The following RMI1 variants were observed in gnomAD, a reference collection of about 807,000 sequenced individuals.
RMI1 encodes the protein RecQ mediated genome instability 1, also known as recQ-mediated genome instability protein 1.
In RMI1, 36 loss-of-function variants were observed where a neutral mutation model predicts 46.7. That is an observed-to-expected ratio of 0.77 (90% CI 0.59 to 1.02). The LOEUF is 1.02. Ranked by LOEUF, RMI1 falls within the 50% of genes least tolerant of loss-of-function variation. RMI1 has a pLI of 0.00. For missense variants in RMI1, 676 were observed against 713.7 expected (o/e 0.95, Z 0.60); for synonymous variants, 250 against 252.9 (o/e 0.99, Z 0.11).
chr9:84,001,738 T>C lies in RMI1; in HGVS notation c.752T>C (p.Leu251Pro). 6.2e-7 allele frequency: 1 copy of C among 1,614,016 alleles called. No homozygotes were observed. Among genetic ancestry groups the C allele is most frequent in the Non-Finnish European group, 8.5e-7 (1 of 1,179,976 alleles). The change falls in exon 3 of 3, where the codon CTT (leucine) becomes CCT (proline). Residue 251 changes from leucine (L) to proline (P), a missense_variant. Leu to Pro is a moderately conservative substitution (Grantham distance 98, BLOSUM62 -3). Coordinates refer to ENST00000445877, the MANE Select transcript of RMI1 (RefSeq NM_001358291.2). ...GPSDEELLAS[L>P]DENDELTANN... The stretch of plus-strand genomic sequence containing the variant: ...TCTGATGAAGAACTCTTGGCAAGTC[T>C]TGATGAAAATGATGAGCTTACAGCA...
intron 1 of RMI1, among the ~76,000 whole-genome samples, chr9:83,994,433 GCTA>G (rs1384947100): frequency 2.0e-5 from 3 of 152,172 alleles, no homozygotes; most frequent in African/African-American, 7.2e-5. Context: ...AGTTTCAGGT[GCTA>G]CCTTTAGACC....
intron 1 of RMI1, among the ~76,000 whole-genome samples, chr9:83,984,736 G>T (rs1212198852): frequency 6.6e-6 from 1 of 150,590 alleles, no homozygotes; most frequent in East Asian, 1.9e-4. Flanking sequence ...TAATTTTTTT[G>T]TATTTTTAGT....
At chr9:83,987,445 A>G (rs1957507785) in intron 1 of RMI1, among the ~76,000 whole-genome samples, 1 of 152,168 alleles carries the variant, frequency 6.6e-6, no homozygotes, top group Admixed American at 6.5e-5. Context: ...GCTAGTTTGA[A>G]AGTTAGTTGT....
chr9:84,002,114 A>G lies in RMI1; in HGVS notation c.1128A>G (p.Lys376=), dbSNP rs754696894. The change falls in exon 3 of 3, where the codon AAA becomes AAG. Residue 376 remains lysine, a synonymous_variant. Coordinates refer to ENST00000445877, the MANE Select transcript of RMI1 (RefSeq NM_001358291.2). The stretch of plus-strand genomic sequence containing the variant: ...ATGGAAACAATAATTGGAGTGAAAA[A>G]AATGTATCTGAACAAATGACTAATG... ...CKNGNNNWSE[K]NVSEQMTNED... The G allele has an allele frequency of 1.2e-5, 20 of 1,613,772 alleles. No homozygotes were observed. The highest frequency in any genetic ancestry group is 1.7e-5 in the Admixed American group (1 of 59,984).
intron 1 of RMI1, among the ~76,000 whole-genome samples, chr9:83,984,927 G>A (rs977357519): frequency 6.6e-6 from 1 of 152,196 alleles, no homozygotes; most frequent in African/African-American, 2.4e-5. Context: ...TTCTTGGACA[G>A]TGGAGTTCTT....
At chr9:83,984,478 G>C (rs1266596263) in intron 1 of RMI1, among the ~76,000 whole-genome samples, 2 of 151,668 alleles carry the variant, frequency 1.3e-5, no homozygotes, top group South Asian at 4.2e-4. Context: ...CTCCATGTTG[G>C]TCAGGCTGGT....
At chr9:83,989,309 C>G (rs1273667110) in intron 1 of RMI1, among the ~76,000 whole-genome samples, 1 of 152,082 alleles carries the variant, frequency 6.6e-6, no homozygotes, top group Non-Finnish European at 1.5e-5. Flanking sequence ...AACTTAAAAG[C>G]ACAGGCAATA....
chr9:84,002,042 T>C lies in RMI1; in HGVS notation c.1056T>C (p.Phe352=). The change falls in exon 3 of 3, where the codon TTT becomes TTC. Residue 352 remains phenylalanine (F), a synonymous_variant. Coordinates refer to ENST00000445877, the MANE Select transcript of RMI1 (RefSeq NM_001358291.2). ...NRNADRSIER[F]SHNPNTTNNF... ...ATGCCGATCGAAGTATAGAGAGATTTTCACATAATCCTAATACTACGAATA... is the reference window on the plus strand; with the variant it reads ...ATGCCGATCGAAGTATAGAGAGATTCTCACATAATCCTAATACTACGAATA... 6.2e-7 allele frequency: 1 copy of C among 1,613,940 alleles called. No homozygotes were observed. Among genetic ancestry groups the C allele is most frequent in the Admixed American group, 1.7e-5 (1 of 59,980 alleles).
At chr9:83,986,934 C>T (rs1366167728) in intron 1 of RMI1, among the ~76,000 whole-genome samples, 2 of 152,228 alleles carry the variant, frequency 1.3e-5, no homozygotes, top group African/African-American at 2.4e-5. Context: ...CACATTTTTA[C>T]AACACCTTTG....
rs370954668 is a variant in RMI1 at position 84,001,164 on chromosome 9, G to C, written c.178G>C (p.Asp60His). The C allele has an allele frequency of 1.3e-5, 21 of 1,614,110 alleles. No homozygotes were observed. Among genetic ancestry groups the C allele is most frequent in the Non-Finnish European group, 1.8e-5 (21 of 1,179,970 alleles). ...AGTGTTTGAGCAGTGGCTCCTTACT[G>C]ATCTGAGGGATTTGGAGCATCCTCT... ...KQVFEQWLLT[D>H]LRDLEHPLLP... is the part of the protein sequence containing the mutation. The change falls in exon 3 of 3, where the codon GAT becomes CAT. Residue 60 changes from aspartate (D) to histidine (H), a missense_variant. Asp to His is a moderately conservative substitution (Grantham distance 81). Coordinates refer to ENST00000445877, the MANE Select transcript of RMI1 (RefSeq NM_001358291.2).
rs767370149 is a variant in RMI1, at chr9:84,001,785, C to T, written c.799C>T (p.Arg267Ter). ...LTANNDTSSE[R>*]CFTTGSSSNT... ...AGCAAATAATGACACTTCCTCAGAA[C>T]GATGTTTCACCACAGGTAGTTCCTC... Residue 267 changes from arginine to a stop codon, truncating the protein, a stop_gained, in exon 3 of 3, where the codon CGA (arginine) becomes TGA (stop). Transcript: ENST00000445877. LOFTEE classifies it high-confidence loss of function. The T allele has an allele frequency of 2.1e-5, 34 of 1,613,862 alleles. No individual in the cohort carries two copies. The highest frequency in any genetic ancestry group is 2.6e-5 in the Non-Finnish European group (31 of 1,179,948).
intron 1 of RMI1, among the ~76,000 whole-genome samples, chr9:83,987,050 T>TCCCTC (rs1008273207): frequency 9.9e-5 from 15 of 152,086 alleles, no homozygotes; most frequent in South Asian, 2.1e-4. Context: ...CTGGGTTCCT[T>TCCCTC]CCCTCCCCTC....
At chr9:83,993,781 TTTA>T (rs953807547) in intron 1 of RMI1, among the ~76,000 whole-genome samples, 19 of 151,834 alleles carry the variant, frequency 1.3e-4, no homozygotes, top group South Asian at 8.3e-4. Context: ...TGTATATCTT[TTTA>T]TTATTATTAT....
intron 1 of RMI1, among the ~76,000 whole-genome samples, chr9:83,991,248 A>G (rs1024995657): frequency 6.6e-6 from 1 of 151,190 alleles, no homozygotes; most frequent in African/African-American, 2.4e-5. Context: ...TTCATAGAAC[A>G]GACGTTTTAA....
rs1388988617 is a variant in RMI1 at position 84,001,713 on chromosome 9, TCTG to T, written c.728_730del (p.Ser243_Asp244delinsTyr). On this transcript the variant is annotated inframe_deletion, in exon 3 of 3. Coordinates refer to ENST00000445877, the MANE Select transcript of RMI1 (RefSeq NM_001358291.2). ...TGTTCTAGATCCTGCATTAGGTCCT[TCTG>T]ATGAAGAACTCTTGGCAAGTCTTGA... 2 of 1,613,958 alleles carry T rather than the reference TCTG, an allele frequency of 1.2e-6. No homozygotes were observed. Among genetic ancestry groups the T allele is most frequent in the Admixed American group, 3.3e-5 (2 of 60,010 alleles).
At chr9:83,993,755 T>C (rs1957608389) in intron 1 of RMI1, among the ~76,000 whole-genome samples, 1 of 152,070 alleles carries the variant, frequency 6.6e-6, no homozygotes, top group Non-Finnish European at 1.5e-5. Flanking sequence ...CATCTTTTCA[T>C]ATGCTTATTG....
At chr9:83,983,724 C>A (rs1957451518) in intron 1 of RMI1, among the ~76,000 whole-genome samples, 1 of 151,656 alleles carries the variant, frequency 6.6e-6, no homozygotes, top group African/African-American at 2.4e-5. Context: ...TTGTTCAGTT[C>A]CTGGCAGTAC....
At chr9:83,981,188 T>A (rs1442401898) in intron 1 of RMI1, among the ~76,000 whole-genome samples, 7 of 152,214 alleles carry the variant, frequency 4.6e-5, no homozygotes, top group Non-Finnish European at 1.0e-4. Context: ...ACTGGAGAAC[T>A]TCTCGCCGAG....
chr9:84,000,260 G>T (rs1157150621), intron 2 of RMI1, among the ~76,000 whole-genome samples: 2 of 152,160 alleles, frequency 1.3e-5, no homozygotes, highest in African/African-American at 4.8e-5. Context: ...TTTGCTTTCT[G>T]TGGTTTCAGT....
Sources: allele counts gnomAD v4.1 joint callset (sites outside exome capture counted in the v4.1 genomes callset), GRCh38; gene constraint gnomAD v4.1.1; transcripts MANE v1.5; gene names NCBI Gene and HGNC (gene_info 2026-07-23, HGNC 2026-07-21).